COL12A1: variants seen among roughly 807,000 people sequenced by gnomAD.
COL12A1 encodes the protein collagen alpha-1(XII) chain.
Under a neutral mutation model 349.7 loss-of-function variants are expected in COL12A1, and 114 were observed. The observed-to-expected ratio is 0.33, with a 90% CI of 0.28 to 0.38. The LOEUF (loss-of-function observed/expected upper bound fraction) is 0.38. Ranked by LOEUF, COL12A1 falls within the 10% of genes least tolerant of loss-of-function variation. The probability of loss-of-function intolerance (pLI) is 1.00; values close to 1 mark genes in which losing one functional copy is unlikely to be tolerated. For synonymous variants in COL12A1, 1,369 were observed against 1,329.0 expected (o/e 1.03, Z -0.66); for missense variants, 3,284 against 3,756.9 (o/e 0.87, Z 3.29).
At chr6:75,129,500 G>A (rs1766193258) in intron 37 of COL12A1, among the ~76,000 whole-genome samples, 1 of 152,278 alleles carries the variant, frequency 6.6e-6, no homozygotes, top group South Asian at 2.1e-4. Context: ...ATAACAAATG[G>A]ATGTGCATAG....
chr6:75,151,453 C>CA (rs1345492909), intron 20 of COL12A1, among the ~76,000 whole-genome samples, 166 bp from the exon 21 acceptor site: 2 of 151,990 alleles, frequency 1.3e-5, no homozygotes, highest in African/African-American at 4.8e-5. Context: ...AATAATAAAA[C>CA]AGAAACAAAG....
intron 26 of COL12A1, among the ~76,000 whole-genome samples, chr6:75,142,797 G>C (rs1056762392): frequency 6.6e-6 from 1 of 152,084 alleles, no homozygotes; most frequent in African/African-American, 2.4e-5. Context: ...ACTCCCAAAA[G>C]GACACCCCTC....
At chr6:75,186,311 A>G (rs555108992) in intron 8 of COL12A1, among the ~76,000 whole-genome samples, 19 of 152,342 alleles carry the variant, frequency 1.2e-4, no homozygotes, top group Middle Eastern at 3.4e-3. Flanking sequence ...GGCAAAGGAC[A>G]TAAACAGACA....
chr6:75,120,121 C>T (rs1007302830), intron 44 of COL12A1, among the ~76,000 whole-genome samples: 1 of 151,966 alleles, frequency 6.6e-6, no homozygotes, highest in Non-Finnish European at 1.5e-5. Context: ...GTAACTGGTA[C>T]ATAGATGTTA....
intron 1 of COL12A1, among the ~76,000 whole-genome samples, chr6:75,204,638 A>T (rs1770684637): frequency 6.6e-6 from 1 of 152,176 alleles, no homozygotes; most frequent in Non-Finnish European, 1.5e-5. Flanking sequence ...GGACTCCCTC[A>T]CTTCACCCTC....
intron 49 of COL12A1, among the ~76,000 whole-genome samples, chr6:75,114,681 T>C (rs983578864): frequency 6.6e-6 from 1 of 152,102 alleles, no homozygotes. Context: ...TTTTAAAACA[T>C]ATGCTCTGGG....
chr6:75,124,499 A>G (rs1765918586), intron 40 of COL12A1, 128 bp from the exon 41 acceptor site: 1 of 606,822 alleles, frequency 1.6e-6, no homozygotes, highest in Admixed American at 3.4e-5. Flanking sequence ...ATGTTTCCTT[A>G]TAAGAAACAT....
In COL12A1 at chr6:75,181,080, C is replaced by T; in HGVS notation, c.2023G>A (p.Val675Ile). 1.2e-6 allele frequency: 2 copies of T among 1,614,054 alleles called. No homozygotes were observed. The highest frequency in any genetic ancestry group is 1.7e-6 in the Non-Finnish European group (2 of 1,180,010). ...CTCGATGCTGGCTCCACCACAGTGA[C>T]CTCATCATCCCCAGCCGCTTCCTTG... ...TYKEAAGDDE[V>I]TVVEPASSTS... Residue 675 changes from valine (V) to isoleucine (I), a missense_variant, in exon 11 of 66, where the codon GTC becomes ATC. By Grantham distance (29) the Val-to-Ile change is conservative. Around this residue, in one of 2 missense-constraint regions of COL12A1, gnomAD observed 2,601 missense variants for 2,824.8 expected, o/e 0.92. Transcript: ENST00000322507.
intron 47 of COL12A1, 101 bp from the exon 48 acceptor site, chr6:75,116,158 A>G (rs1769066949): frequency 4.5e-6 from 5 of 1,106,078 alleles, no homozygotes; most frequent in African/African-American, 3.2e-5. Flanking sequence ...AATAAATGAC[A>G]TTGTTCATTT....
chr6:75,133,736 T>C (rs1288505980), intron 33 of COL12A1, 122 bp downstream of exon 33: 4 of 1,150,820 alleles, frequency 3.5e-6, no homozygotes, highest in African/African-American at 1.5e-5. Flanking sequence ...TATAAAGTCT[T>C]ATTAAATGAA....
intron 13 of COL12A1, among the ~76,000 whole-genome samples, chr6:75,167,563 A>G (rs113238621): frequency 5.5e-4 from 84 of 152,252 alleles, no homozygotes; most frequent in African/African-American, 1.9e-3. Context: ...TTGCTTCTCA[A>G]CCTATTTTTC....
intron 43 of COL12A1, among the ~76,000 whole-genome samples, chr6:75,122,975 G>A (rs536524996): frequency 3.9e-5 from 6 of 152,286 alleles, no homozygotes; most frequent in East Asian, 1.9e-4. Flanking sequence ...TCAGGGCTTC[G>A]GTCGCAAATA....
intron 39 of COL12A1, among the ~76,000 whole-genome samples, chr6:75,125,482 G>A (rs558971052): frequency 1.3e-5 from 2 of 152,094 alleles, no homozygotes; most frequent in Non-Finnish European, 2.9e-5. Context: ...TATTCTCAAA[G>A]CATAGCACAG....
intron 12 of COL12A1, 134 bp from the exon 13 acceptor site, chr6:75,175,444 G>A: frequency 9.6e-7 from 1 of 1,038,136 alleles, no homozygotes; most frequent in South Asian, 1.7e-5. Flanking sequence ...AATTTTAACT[G>A]TTGACCAGCC....
chr6:75,097,180 G>T, intron 59 of COL12A1, 73 bp downstream of exon 59: 1 of 1,279,806 alleles, frequency 7.8e-7, no homozygotes, highest in Non-Finnish European at 1.1e-6. Context: ...GTGCTTCAAA[G>T]GCAGGTTACT....
chr6:75,171,413 A>G (rs1349661207), intron 13 of COL12A1, among the ~76,000 whole-genome samples: 1 of 152,196 alleles, frequency 6.6e-6, no homozygotes, highest in Non-Finnish European at 1.5e-5. Flanking sequence ...CTGCATTTCA[A>G]AAAAAGTACT....
rs546413263 is a variant in COL12A1, at chr6:75,103,225, G to A, written c.8319+532C>T. On this transcript the variant is annotated intron_variant, in intron 55 of 65. Transcript: ENST00000322507. Reference sequence around the variant, plus strand: ...CCTAATCTTGCCCTTTCCTAATGGGGTTATTTTATCATTAATTATATTATG... The same window carrying A: ...CCTAATCTTGCCCTTTCCTAATGGGATTATTTTATCATTAATTATATTATG... 7.9e-5 allele frequency among the ~76,000 whole-genome samples: 12 copies of A among 152,284 alleles called. No individual in the cohort carries two copies. The South Asian group carries it at 2.5e-3, about 32-fold the overall frequency.
chr6:75,106,415 T>C lies in COL12A1; in HGVS notation c.8178+4A>G. The C allele has an allele frequency of 6.2e-7, 1 of 1,612,306 alleles. No individual in the cohort carries two copies. Among genetic ancestry groups the C allele is most frequent in the Non-Finnish European group, 8.5e-7 (1 of 1,178,484 alleles). On this transcript the variant is annotated splice_donor_region_variant and intron_variant, in intron 53 of 65. Transcript: ENST00000322507. ...ATGGCAGAATTCAATTCTGTTTTAC[T>C]TACCCTAGAGGGAATATCACAGCAT...
chr6:75,123,367 T>A lies in COL12A1; in HGVS notation c.6909A>T (p.Thr2303=), dbSNP rs1270899331. The change falls in exon 43 of 66, where the codon ACA becomes ACT. Residue 2303 remains threonine (T), a synonymous_variant. Transcript: ENST00000322507. ...GTGGAATGGTGGGAGGGGGAGGAGG[T>A]GTGGGTGGCTCTGTAGGGGCTTCTG... The part of the protein sequence containing the change: ...KPTEAPTEPP[T]PPPPPTIPPA... 7 of 1,603,716 alleles carry A rather than the reference T, an allele frequency of 4.4e-6. No homozygotes were observed. Among genetic ancestry groups the A allele is most frequent in the Non-Finnish European group, 6.0e-6 (7 of 1,174,812 alleles).
Sources: gnomAD v4.1 joint callset for allele counts (sites outside exome capture counted in the v4.1 genomes callset) on GRCh38, gnomAD v4.1.1 for gene constraint, gnomAD v4.1.1 regional missense constraint, MANE v1.5 for transcripts, NCBI Gene and HGNC (gene_info 2026-07-23, HGNC 2026-07-21) for gene names.